The following ANKFY1 variants were observed in gnomAD, a reference collection of about 807,000 sequenced individuals.
The protein encoded by ANKFY1 is ankyrin repeat and FYVE domain containing 1.
ANKFY1 carries 47 observed loss-of-function variants against 128.3 expected under a neutral mutation model. That is an observed-to-expected ratio of 0.37 (90% CI 0.29 to 0.47). ANKFY1 has a LOEUF of 0.47. Ranked by LOEUF, ANKFY1 falls within the 20% of genes least tolerant of loss-of-function variation. The pLI is 1.00. For missense variants in ANKFY1, 1,222 were observed against 1,510.6 expected, an observed-to-expected ratio of 0.81 and a Z score of 3.17; for synonymous variants, 553 against 601.6, an observed-to-expected ratio of 0.92 and a Z score of 1.18.
At chr17:4,168,897 A>G (rs935984818) in intron 24 of ANKFY1, 5 of 374,328 alleles carry the variant, frequency 1.3e-5, no homozygotes, top group Non-Finnish European at 2.5e-5. Flanking sequence ...GCAGTAGCTC[A>G]TCTCAGCTTT....
chr17:4,261,247 GGGA>G (rs1968397996), intron 1 of ANKFY1, among the ~76,000 whole-genome samples: 1 of 152,212 alleles, frequency 6.6e-6, no homozygotes, highest in Non-Finnish European at 1.5e-5. Context: ...CCAGCACTTT[GGGA>G]GGCCGAGGCC....
At chr17:4,183,299 A>G in intron 14 of ANKFY1, 99 bp downstream of exon 14, 2 of 1,422,056 alleles carry the variant, frequency 1.4e-6, no homozygotes, top group Non-Finnish European at 1.9e-6. Flanking sequence ...TCCTCTAACT[A>G]ATATGAAACA....
chr17:4,195,278 A>ATTTTTTTTTTT lies in ANKFY1; in HGVS notation c.1173-102_1173-101insAAAAAAAAAAA. 4 of 1,011,946 alleles carry ATTTTTTTTTTT rather than the reference A, an allele frequency of 4.0e-6. No homozygotes were observed. In the Admixed American group the frequency reaches 9.9e-5, roughly 25 times the overall value. 62.7% of individuals were successfully genotyped at this position (1,011,946 alleles called of 1,614,324 possible). A position where few individuals can be genotyped will look rare whatever the true frequency, so the allele number is the denominator to read the frequency against. On this transcript the variant is annotated intron_variant, in intron 9 of 24. Coordinates refer to ENST00000341657, the MANE Select transcript of ANKFY1 (RefSeq NM_001330063.2). ...TCTCTTTACCCTTTTTCAATGACAC[A>ATTTTTTTTTTT]TTTTTTTTTAGCTCACTTTAACTTC...
At chr17:4,226,535 G>A in intron 3 of ANKFY1, among the ~76,000 whole-genome samples, 1 of 151,784 alleles carries the variant, frequency 6.6e-6, no homozygotes, top group Non-Finnish European at 1.5e-5. Context: ...GGAGAAAAAA[G>A]GAGAACGGGA....
chr17:4,247,520 C>T (rs1967613824), intron 1 of ANKFY1, among the ~76,000 whole-genome samples: 1 of 152,186 alleles, frequency 6.6e-6, no homozygotes, highest in African/African-American at 2.4e-5. Context: ...CTAATGCACT[C>T]AGGCAGCTTA....
chr17:4,254,018 A>G (rs1485536594), intron 1 of ANKFY1, among the ~76,000 whole-genome samples: 1 of 152,096 alleles, frequency 6.6e-6, no homozygotes, highest in Non-Finnish European at 1.5e-5. Flanking sequence ...TGTAAGAGGG[A>G]GCAGGGGCTG....
intron 6 of ANKFY1, among the ~76,000 whole-genome samples, chr17:4,206,729 C>T (rs10521130): frequency 0.5 from 75,617 of 151,990 alleles, 21,115 homozygotes; most frequent in East Asian, 0.75. Context: ...ATGTGGGAGA[C>T]GATTAAAGGC....
At chr17:4,251,218 G>A (rs188019427) in intron 1 of ANKFY1, among the ~76,000 whole-genome samples, 2 of 152,232 alleles carry the variant, frequency 1.3e-5, no homozygotes, top group East Asian at 1.9e-4. Flanking sequence ...ATATGAAAAC[G>A]CAAATCCCTA....
At chr17:4,242,496 G>C in intron 1 of ANKFY1, 48 bp from the exon 2 acceptor site, 3 of 1,479,484 alleles carry the variant, frequency 2.0e-6, no homozygotes, top group Non-Finnish European at 2.7e-6. Context: ...CTGGAAAGCA[G>C]GTGGCATTCA....
At chr17:4,249,176 C>T in intron 1 of ANKFY1, 6 of 965,088 alleles carry the variant, frequency 6.2e-6, no homozygotes, top group Non-Finnish European at 7.4e-6. Flanking sequence ...AGTTGGCATA[C>T]TTTCCGTACA....
chr17:4,168,955 C>A, intron 24 of ANKFY1: 1 of 504,802 alleles, frequency 2.0e-6, no homozygotes. Flanking sequence ...GGCAGGCTGC[C>A]TGGAAACTGT....
intron 21 of ANKFY1, 135 bp downstream of exon 21, chr17:4,173,219 G>C: frequency 1.4e-6 from 1 of 716,106 alleles, no homozygotes; most frequent in Non-Finnish European, 2.4e-6. Context: ...CCAAAATAAA[G>C]TACCCGAAGC....
intron 11 of ANKFY1, chr17:4,187,451 G>A (rs1187884009): frequency 5.1e-6 from 2 of 392,728 alleles, no homozygotes; most frequent in Non-Finnish European, 9.0e-6. Flanking sequence ...CTACTTCTCT[G>A]CCCAAAACCC....
chr17:4,222,640 T>A, intron 3 of ANKFY1: 1 of 987,228 alleles, frequency 1.0e-6, no homozygotes, highest in Non-Finnish European at 1.6e-6. Flanking sequence ...CGTCTTAAAT[T>A]TTAAACCAAG....
At chr17:4,185,274 C>T (rs999726785) in intron 11 of ANKFY1, among the ~76,000 whole-genome samples, 6 of 152,040 alleles carry the variant, frequency 3.9e-5, no homozygotes, top group Non-Finnish European at 4.4e-5. Context: ...GTCAAGATCT[C>T]GGCTCACTGC....
At chr17:4,183,281 G>A in intron 14 of ANKFY1, 117 bp downstream of exon 14, 2 of 1,266,344 alleles carry the variant, frequency 1.6e-6, no homozygotes, top group African/African-American at 1.5e-5. Context: ...TAGAGCTACT[G>A]TTTCCTTTCC....
At chr17:4,224,908 AGT>A (rs2060397219) in intron 3 of ANKFY1, among the ~76,000 whole-genome samples, 1 of 148,974 alleles carries the variant, frequency 6.7e-6, no homozygotes, top group Non-Finnish European at 1.5e-5. Flanking sequence ...CACCTAGAAT[AGT>A]GCTATGCACA....
rs1240952638 is a variant in ANKFY1 at position 4,183,415 on chromosome 17, C to T, written c.1935G>A (p.Gln645=). Residue 645 remains glutamine, a synonymous_variant, in exon 14 of 25, where the codon CAG becomes CAA. Coordinates refer to ENST00000341657, the MANE Select transcript of ANKFY1 (RefSeq NM_001330063.2). Reference sequence around the variant, plus strand: ...CCTCCTACCTGACATTTATATCTGCCTGGTGCTCCAGCAGGAAGAGTGCGC... The same window carrying T: ...CCTCCTACCTGACATTTATATCTGCTTGGTGCTCCAGCAGGAAGAGTGCGC... ...SKSALFLLEH[Q]ADINVRTQDG... The T allele has an allele frequency of 2.5e-6, 4 of 1,613,910 alleles. No individual in the cohort carries two copies. The South Asian group carries it at 4.4e-5, about 18-fold the overall frequency.
At chr17:4,235,026 T>A (rs1031867065) in intron 3 of ANKFY1, among the ~76,000 whole-genome samples, 2 of 152,182 alleles carry the variant, frequency 1.3e-5, no homozygotes, top group East Asian at 3.9e-4. Flanking sequence ...GTAACTATTC[T>A]GAGTTCAGTT....
Sources: allele counts gnomAD v4.1 joint callset (sites outside exome capture counted in the v4.1 genomes callset), GRCh38; gene constraint gnomAD v4.1.1; transcripts MANE v1.5; gene names NCBI Gene and HGNC (gene_info 2026-07-23, HGNC 2026-07-21).